Variants in BEND6 observed in about 807,000 individuals in gnomAD.
BEND6 encodes the protein BEN domain containing 6, also known as BEN domain-containing protein 6.
In BEND6, 24 loss-of-function variants were observed where a neutral mutation model predicts 31.8. That is an observed-to-expected ratio of 0.75 (90% CI 0.55 to 1.06). The LOEUF (loss-of-function observed/expected upper bound fraction) is 1.06, where lower values mean the gene tolerates loss of function less well. Among genes scored for constraint, BEND6 ranks in the 50% least tolerant of loss-of-function variants. BEND6 has a pLI of 0.00. For missense variants in BEND6, 294 were observed against 327.4 expected (o/e 0.90, Z 0.79); for synonymous variants, 109 against 114.6 (o/e 0.95, Z 0.31).
intron 3 of BEND6, chr6:57,008,184 G>T (rs1196503850): frequency 2.8e-6 from 2 of 702,756 alleles, no homozygotes; most frequent in East Asian, 2.7e-5. Context: ...TTTACAGCTT[G>T]GTCCAGAGAG....
intron 1 of BEND6, among the ~76,000 whole-genome samples, chr6:56,965,480 C>G (rs1299844562): frequency 6.6e-6 from 1 of 151,806 alleles, no homozygotes; most frequent in East Asian, 1.9e-4. Context: ...TGTCAAAAAA[C>G]TGTTTAGAAA....
intron 1 of BEND6, chr6:56,975,983 C>T: frequency 2.0e-6 from 1 of 512,632 alleles, no homozygotes; most frequent in South Asian, 1.5e-5. Context: ...CATGTGCAGT[C>T]ATGGTGGCTT....
At chr6:56,977,886 G>A (rs1332000700) in intron 1 of BEND6, among the ~76,000 whole-genome samples, 1 of 152,174 alleles carries the variant, frequency 6.6e-6, no homozygotes, top group Non-Finnish European at 1.5e-5. Context: ...GAGTCCAGGA[G>A]GTCAAGGCTG....
At chr6:56,959,615 G>A (rs1562532304) in intron 1 of BEND6, among the ~76,000 whole-genome samples, 1 of 152,112 alleles carries the variant, frequency 6.6e-6, no homozygotes, top group African/African-American at 2.4e-5. Context: ...AAATTTGGAG[G>A]TGATTTCCAG....
chr6:56,958,379 A>G (rs1825168638), intron 1 of BEND6, among the ~76,000 whole-genome samples: 1 of 152,252 alleles, frequency 6.6e-6, no homozygotes, highest in Non-Finnish European at 1.5e-5. Flanking sequence ...AAGAAGAAAC[A>G]TCAGAAAGAA....
Position 57,015,230 on chromosome 6 carries a change from C to G in BEND6, c.396C>G (p.Leu132=). ...CCATGTCTACATCTGCATCCACCCT[C>G]TGGAGAGCAACAAACAACTCCTCGC... ...GGTMSTSAST[L]WRATNNSSPD... Residue 132 remains leucine (L), a synonymous_variant, in exon 4 of 7, where the codon CTC becomes CTG. Transcript: ENST00000370746. The G allele has an allele frequency of 6.2e-7, 1 of 1,614,134 alleles. No homozygotes were observed. The highest frequency in any genetic ancestry group is 2.2e-5 in the East Asian group (1 of 44,880).
chr6:57,020,837 T>TG (rs1554290988), intron 6 of BEND6, among the ~76,000 whole-genome samples: 7 of 149,788 alleles, frequency 4.7e-5, no homozygotes, highest in Non-Finnish European at 8.9e-5. Context: ...ACTCTTGTTT[T>TG]TTTTTTTTTT....
chr6:56,985,614 T>C (rs1219755360), intron 2 of BEND6, among the ~76,000 whole-genome samples: 1 of 152,216 alleles, frequency 6.6e-6, no homozygotes, highest in Non-Finnish European at 1.5e-5. Context: ...AACTTAGTCA[T>C]ATAGTCACAC....
intron 1 of BEND6, among the ~76,000 whole-genome samples, chr6:56,981,384 C>G (rs1487362465): frequency 1.3e-5 from 2 of 152,132 alleles, no homozygotes; most frequent in East Asian, 3.8e-4. Flanking sequence ...CTCTGTGATA[C>G]TGTTTTTATA....
intron 3 of BEND6, chr6:57,014,411 G>T: frequency 8.3e-7 from 1 of 1,210,704 alleles, no homozygotes; most frequent in South Asian, 1.7e-5. Flanking sequence ...AACTGAATTA[G>T]ACAAGGTTCA....
intron 3 of BEND6, among the ~76,000 whole-genome samples, chr6:56,996,253 C>T (rs1039829721): frequency 1.3e-5 from 2 of 152,086 alleles, no homozygotes; most frequent in African/African-American, 2.4e-5. Context: ...TTGAGACCAA[C>T]CTGGGCAACG....
intron 1 of BEND6, among the ~76,000 whole-genome samples, chr6:56,977,824 G>T (rs1476226504): frequency 6.6e-6 from 1 of 152,148 alleles, no homozygotes; most frequent in African/African-American, 2.4e-5. Flanking sequence ...GGGCATAGTG[G>T]CACACGCCTG....
At chr6:57,024,891 A>C (rs554337184) in intron 6 of BEND6, among the ~76,000 whole-genome samples, 2 of 152,016 alleles carry the variant, frequency 1.3e-5, no homozygotes, top group Non-Finnish European at 2.9e-5. Context: ...GGTGACCTTC[A>C]TTCCTCTCAT....
chr6:56,978,406 C>G (rs1351917193), intron 1 of BEND6, among the ~76,000 whole-genome samples: 2 of 152,058 alleles, frequency 1.3e-5, no homozygotes, highest in African/African-American at 4.8e-5. Flanking sequence ...TAAAAGAAAC[C>G]CTATGCCAAT....
intron 1 of BEND6, among the ~76,000 whole-genome samples, chr6:56,977,386 CTG>C: frequency 6.6e-6 from 1 of 152,014 alleles, no homozygotes; most frequent in African/African-American, 2.4e-5. Flanking sequence ...TGAAAAAAAA[CTG>C]TGGGCAAAAA....
rs1826743815 is a variant in BEND6 at position 56,997,036 on chromosome 6, G to T, written c.298+4481G>T. 2.0e-5 allele frequency among the ~76,000 whole-genome samples: 3 copies of T among 152,134 alleles called. No homozygotes were observed. The South Asian group carries it at 6.2e-4, about 32-fold the overall frequency. On this transcript the variant is annotated intron_variant, in intron 3 of 6. Coordinates refer to ENST00000370746, the MANE Select transcript of BEND6 (RefSeq NM_152731.3). ...AACTAAAGTCTTTTTATGATCTTTG[G>T]CTCCTTACATGATCTGGCCACCTCC... is the stretch of plus-strand genomic sequence containing the variant.
intron 1 of BEND6, among the ~76,000 whole-genome samples, chr6:56,973,258 G>T (rs1226681726): frequency 2.0e-5 from 3 of 152,074 alleles, no homozygotes; most frequent in African/African-American, 7.2e-5. Context: ...TACTTAATAG[G>T]TCCGTGTCAG....
rs370822936 is a variant in BEND6 at position 56,988,443 on chromosome 6, GAGA to G, written c.121-3930_121-3928del. The stretch of plus-strand genomic sequence containing the variant: ...GAAATACGAAGAGAAATGAAGAAAG[GAGA>G]AGAATTACAAAGAAGGAAACCATGA... On this transcript the variant is annotated intron_variant, in intron 2 of 6. Transcript: ENST00000370746. Among the ~76,000 whole-genome samples the G allele has an allele frequency of 3.5e-3, 534 of 152,236 alleles. 4 individuals are homozygous for G. Among genetic ancestry groups the G allele is most frequent in the African/African-American group, 0.012 (492 of 41,542 alleles).
chr6:57,008,657 A>T (rs186139868), intron 3 of BEND6: 1 of 155,162 alleles, frequency 6.4e-6, no homozygotes, highest in Admixed American at 6.5e-5. Flanking sequence ...GGTATATGAA[A>T]AAAATGCTCA....
Sources: allele counts gnomAD v4.1 joint callset (sites outside exome capture counted in the v4.1 genomes callset), GRCh38; gene constraint gnomAD v4.1.1; transcripts MANE v1.5; gene names NCBI Gene and HGNC (gene_info 2026-07-23, HGNC 2026-07-21).